Variants in DDX23 observed in about 807,000 individuals in gnomAD.
The protein encoded by DDX23 is probable ATP-dependent RNA helicase DDX23.
Under a neutral mutation model 102.7 loss-of-function variants are expected in DDX23, and 33 were observed. The observed-to-expected ratio is 0.32, with a 90% CI of 0.24 to 0.43. The LOEUF (loss-of-function observed/expected upper bound fraction) is 0.43, where lower values mean the gene tolerates loss of function less well. Among genes scored for constraint, DDX23 ranks in the 20% least tolerant of loss-of-function variants. DDX23 has a pLI of 1.00. For missense variants in DDX23, 549 were observed against 1,086.6 expected, an observed-to-expected ratio of 0.51 and a Z score of 6.96; for synonymous variants, 352 against 376.0, an observed-to-expected ratio of 0.94 and a Z score of 0.74.
At chr12:48,841,840 G>GC (rs1172652450) in intron 3 of DDX23, among the ~76,000 whole-genome samples, 10 of 152,214 alleles carry the variant, frequency 6.6e-5, no homozygotes, top group African/African-American at 2.2e-4. Context: ...GCCTGCCTTG[G>GC]CCCCCCAAAG....
intron 1 of DDX23, among the ~76,000 whole-genome samples, chr12:48,849,169 G>C (rs1938717366): frequency 6.6e-6 from 1 of 152,034 alleles, no homozygotes; most frequent in African/African-American, 2.4e-5. Context: ...TGGTATTACA[G>C]GTGTGAGCCC....
chr12:48,835,346 G>C (rs1211389546), intron 11 of DDX23: 1 of 154,388 alleles, frequency 6.5e-6, no homozygotes, highest in African/African-American at 2.4e-5. Context: ...GCCAAGGCAG[G>C]CAGATCAGTT....
intron 1 of DDX23, among the ~76,000 whole-genome samples, 175 bp from the exon 2 acceptor site, chr12:48,845,957 T>C (rs1361143118): frequency 6.6e-6 from 1 of 152,160 alleles, no homozygotes; most frequent in Non-Finnish European, 1.5e-5. Context: ...GGCAGACAGG[T>C]AGTGGCAGAG....
intron 2 of DDX23, 95 bp downstream of exon 2, chr12:48,845,479 A>T: frequency 7.5e-7 from 1 of 1,334,770 alleles, no homozygotes; most frequent in Non-Finnish European, 1.1e-6. Context: ...AATAAAAAGT[A>T]GATGCCTAAT....
intron 1 of DDX23, among the ~76,000 whole-genome samples, chr12:48,850,105 T>C (rs949931389): frequency 1.3e-5 from 2 of 152,190 alleles, no homozygotes; most frequent in Non-Finnish European, 2.9e-5. Flanking sequence ...AGAAAATATA[T>C]AGCAGAGAGA....
intron 1 of DDX23, among the ~76,000 whole-genome samples, chr12:48,851,222 A>C (rs1938752730): frequency 6.6e-6 from 1 of 152,254 alleles, no homozygotes; most frequent in African/African-American, 2.4e-5. Flanking sequence ...ATGTAATCCT[A>C]ACACTTTAAG....
chr12:48,835,258 A>C (rs1938451710), intron 11 of DDX23: 3 of 179,984 alleles, frequency 1.7e-5, no homozygotes, highest in Non-Finnish European at 3.6e-5. Context: ...TAAATAAATA[A>C]ATAAATAATA....
rs1474316052 is a variant in DDX23 at position 48,830,365 on chromosome 12, C to A, written c.*104G>T. 1 of 1,346,020 alleles carries A rather than the reference C, an allele frequency of 7.4e-7. No individual in the cohort carries two copies. Among genetic ancestry groups the A allele is most frequent in the Non-Finnish European group, 1.0e-6 (1 of 952,612 alleles). The allele number at this position is 1,346,020 out of a possible 1,614,324, so 83.4% of individuals were successfully genotyped here. On this transcript the variant is annotated 3_prime_UTR_variant, in exon 17 of 17. Transcript: ENST00000308025. The surrounding 1 kb of genome is among the most constrained non-coding windows in gnomAD (Gnocchi z 4.9). ...GGAGTTGGATTGTTTTCCTAAGCCC[C>A]CATATCCCAAGAGTGAGGACCTGGA... is the stretch of plus-strand genomic sequence containing the variant.
At chr12:48,845,826 T>G in intron 1 of DDX23, 44 bp from the exon 2 acceptor site, 1 of 1,587,448 alleles carries the variant, frequency 6.3e-7, no homozygotes, top group Non-Finnish European at 8.6e-7. Flanking sequence ...TAGGCACTGC[T>G]CTAAACTGCT....
intron 1 of DDX23, among the ~76,000 whole-genome samples, chr12:48,847,698 A>G (rs1315560529): frequency 1.3e-5 from 2 of 151,986 alleles, no homozygotes; most frequent in Non-Finnish European, 2.9e-5. Context: ...GCATGGTGGT[A>G]CACGCTACCC....
chr12:48,843,661 A>G (rs1318175387), intron 3 of DDX23, among the ~76,000 whole-genome samples: 3 of 146,296 alleles, frequency 2.1e-5, no homozygotes, highest in Non-Finnish European at 4.5e-5. Flanking sequence ...CCATTCTCCT[A>G]CCTCAGCCTC....
intron 3 of DDX23, 117 bp from the exon 4 acceptor site, chr12:48,840,223 G>A (rs932168838): frequency 8.6e-6 from 7 of 816,378 alleles, no homozygotes; most frequent in African/African-American, 6.7e-5. Flanking sequence ...ACTGGCCCAT[G>A]GTCATCTATC....
chr12:48,841,580 C>G (rs1328939290), intron 3 of DDX23, among the ~76,000 whole-genome samples: 7 of 152,236 alleles, frequency 4.6e-5, no homozygotes, highest in Non-Finnish European at 8.8e-5. Context: ...CGTGCCTCAG[C>G]CTGCCGAGTG....
Position 48,837,632 on chromosome 12 carries a change from C to T in DDX23, c.645G>A (p.Arg215=). The stretch of plus-strand genomic sequence containing the variant: ...CCCGTTCCATCCTCTCCCTGCGTTC[C>T]CGACGTTCCCGTTCCTGAGGATCTT... ...MLEDPQERER[R]ERRERMERET... The change falls in exon 7 of 17, where the codon CGG becomes CGA. Residue 215 remains arginine (R), a synonymous_variant. Coordinates refer to ENST00000308025, the MANE Select transcript of DDX23 (RefSeq NM_004818.3). The T allele has an allele frequency of 6.2e-7, 1 of 1,614,150 alleles. No homozygotes were observed. The highest frequency in any genetic ancestry group is 8.5e-7 in the Non-Finnish European group (1 of 1,180,030).
At position 48,836,082 on chromosome 12, in the gene DDX23, C is replaced by T; in HGVS notation, c.1382+39G>A. Reference sequence around the variant, plus strand: ...CATTTGCCACTTTCACCTTTCCTACCCAGACAAACCCACTCCAGCTGGTGC... The same window carrying T: ...CATTTGCCACTTTCACCTTTCCTACTCAGACAAACCCACTCCAGCTGGTGC... On this transcript the variant is annotated intron_variant, in intron 11 of 16. Coordinates refer to ENST00000308025, the MANE Select transcript of DDX23 (RefSeq NM_004818.3). This position sits in a 1 kb window ranked among gnomAD's most constrained non-coding sequence, Gnocchi z 6.1. 6.2e-7 allele frequency: 1 copy of T among 1,603,132 alleles called. No individual in the cohort carries two copies. Among genetic ancestry groups the T allele is most frequent in the South Asian group, 1.1e-5 (1 of 90,656 alleles).
At chr12:48,839,301 G>A (rs1435274566) in intron 5 of DDX23, among the ~76,000 whole-genome samples, 1 of 151,082 alleles carries the variant, frequency 6.6e-6, no homozygotes, top group Admixed American at 6.6e-5. Context: ...GCTCACGCCT[G>A]TAATCCCAGC....
At chr12:48,837,890 A>G in intron 6 of DDX23, 52 bp downstream of exon 6, 1 of 1,610,084 alleles carries the variant, frequency 6.2e-7, no homozygotes. Context: ...ACTGTATCTC[A>G]TCCCACTCTT....
intron 5 of DDX23, among the ~76,000 whole-genome samples, chr12:48,838,447 G>C (rs1350881098): frequency 2.0e-5 from 3 of 152,086 alleles, no homozygotes; most frequent in Non-Finnish European, 2.9e-5. Flanking sequence ...CTACTCAGGA[G>C]GCTGAGGCAG....
chr12:48,839,908 G>A lies in DDX23; in HGVS notation c.416C>T (p.Ala139Val), dbSNP rs772488272. ...AAGCTCCTCCAGGGATAATGGCTGG[G>A]CCTGAAGATAAAACAGAACTTTAGT... is the stretch of plus-strand genomic sequence containing the variant. ...EDEHGDKKPK[A>V]QPLSLEELLA... Residue 139 changes from alanine (A) to valine (V), a missense_variant and splice_region_variant, in exon 5 of 17, where the codon GCC becomes GTC. Transcript: ENST00000308025. 1 of 1,614,140 alleles carries A rather than the reference G, an allele frequency of 6.2e-7. No individual in the cohort carries two copies. Among genetic ancestry groups the A allele is most frequent in the Middle Eastern group, 1.6e-4 (1 of 6,062 alleles).
Sources: gnomAD v4.1 joint callset for allele counts (sites outside exome capture counted in the v4.1 genomes callset) on GRCh38, gnomAD v4.1.1 for gene constraint, Gnocchi (gnomAD v3.1) non-coding constraint, MANE v1.5 for transcripts, NCBI Gene and HGNC (gene_info 2026-07-23, HGNC 2026-07-21) for gene names.